HERC4: variants seen among roughly 807,000 people sequenced by gnomAD.
HERC4 encodes the protein probable E3 ubiquitin-protein ligase HERC4.
In HERC4, 28 loss-of-function variants were observed where a neutral mutation model predicts 124.3. The ratio of observed to expected loss-of-function variants is 0.23; its 90% CI spans 0.17 to 0.31. The LOEUF (loss-of-function observed/expected upper bound fraction) is 0.31, where lower values mean the gene tolerates loss of function less well. Among genes scored for constraint, HERC4 ranks in the 10% least tolerant of loss-of-function variants. The probability of loss-of-function intolerance (pLI) is 1.00; values close to 1 mark genes in which losing one functional copy is unlikely to be tolerated. For missense variants in HERC4, 713 were observed against 1,229.3 expected (o/e 0.58, Z 6.28); for synonymous variants, 407 against 421.5 (o/e 0.97, Z 0.42).
intron 15 of HERC4, among the ~76,000 whole-genome samples, chr10:67,969,657 C>T (rs1406136800): frequency 6.6e-6 from 1 of 152,090 alleles, no homozygotes; most frequent in African/African-American, 2.4e-5. Flanking sequence ...AGGGAAAAAC[C>T]TTCAATTCCT....
At chr10:67,961,964 T>C (rs1278200344) in intron 16 of HERC4, among the ~76,000 whole-genome samples, 1 of 152,166 alleles carries the variant, frequency 6.6e-6, no homozygotes, top group East Asian at 1.9e-4. Context: ...AAAAAAACCT[T>C]TCAGATTACA....
chr10:68,024,221 A>G (rs556620094), intron 8 of HERC4, among the ~76,000 whole-genome samples: 1 of 152,294 alleles, frequency 6.6e-6, no homozygotes, highest in African/African-American at 2.4e-5. Flanking sequence ...GTATATTCAA[A>G]TTATGAAATA....
intron 3 of HERC4, among the ~76,000 whole-genome samples, chr10:68,065,406 G>C (rs2041251080): frequency 6.6e-6 from 1 of 152,128 alleles, no homozygotes; most frequent in African/African-American, 2.4e-5. Context: ...CAAATAATTT[G>C]TGAAAAGCCC....
intron 8 of HERC4, among the ~76,000 whole-genome samples, chr10:68,019,250 C>A (rs1387243398): frequency 6.6e-6 from 1 of 152,128 alleles, no homozygotes; most frequent in African/African-American, 2.4e-5. Context: ...CCCGCCTCGG[C>A]CTCCCAAAGT....
intron 15 of HERC4, among the ~76,000 whole-genome samples, chr10:67,972,436 G>A (rs574683465): frequency 9.6e-5 from 14 of 145,874 alleles, no homozygotes; most frequent in African/African-American, 3.0e-4. Context: ...CAGAAGAATC[G>A]CTTGAATCCG....
intron 7 of HERC4, among the ~76,000 whole-genome samples, chr10:68,030,906 T>C (rs1459892159): frequency 6.6e-6 from 1 of 152,238 alleles, no homozygotes; most frequent in Non-Finnish European, 1.5e-5. Flanking sequence ...TTTAAAATCT[T>C]TCCTAATGCA....
chr10:68,055,755 CT>C (rs201966338), intron 3 of HERC4, among the ~76,000 whole-genome samples: 210 of 142,910 alleles, frequency 1.5e-3, no homozygotes, highest in Middle Eastern at 3.6e-3. Flanking sequence ...TTACAATATC[CT>C]TTTTTTTTTT....
Position 68,032,804 on chromosome 10 carries a change from C to T in HERC4, c.751G>A (p.Glu251Lys). 6.3e-7 allele frequency: 1 copy of T among 1,579,054 alleles called. No individual in the cohort carries two copies. Among genetic ancestry groups the T allele is most frequent in the Non-Finnish European group, 8.7e-7 (1 of 1,148,446 alleles). The change falls in exon 7 of 25, where the codon GAA becomes AAA. Residue 251 changes from glutamate to lysine, a missense_variant. Coordinates refer to ENST00000373700, the MANE Select transcript of HERC4 (RefSeq NM_015601.4). ...SQKIVYICCG[E>K]DHTAALTKEG... ...TTGGTTAGAGCAGCAGTATGATCTTCTCCACAACAAATATAAACTATTTTC... is the reference window on the plus strand; with the variant it reads ...TTGGTTAGAGCAGCAGTATGATCTTTTCCACAACAAATATAAACTATTTTC...
At position 68,011,190 on chromosome 10, in the gene HERC4, A is replaced by C. The variant is rs1589316857; in HGVS notation, c.1069+2836T>G. ...GCAATCCTCTTGCCTAAACCTCCCA[A>C]GTAGCATGTGCCACCACACCTGGCT... On this transcript the variant is annotated intron_variant, in intron 9 of 24. Coordinates refer to ENST00000373700, the MANE Select transcript of HERC4 (RefSeq NM_015601.4). Among the ~76,000 whole-genome samples the C allele has an allele frequency of 3.3e-5, 5 of 152,274 alleles. No individual in the cohort carries two copies. The South Asian group carries it at 1.0e-3, about 32-fold the overall frequency.
Position 67,932,715 on chromosome 10 carries a change from G to C in HERC4, c.2720C>G (p.Ala907Gly), listed in dbSNP as rs780549962. ...GACCTTATGAAAGCCCGCATGAAAAGCATCAAATAAGGAAGCCACTGATTT... is the reference window on the plus strand; with the variant it reads ...GACCTTATGAAAGCCCGCATGAAAACCATCAAATAAGGAAGCCACTGATTT... ...FNKSVASLFD[A>G]FHAGFHKVCG... Residue 907 changes from alanine (A) to glycine (G), a missense_variant, in exon 23 of 25, where the codon GCT (alanine) becomes GGT (glycine). Transcript: ENST00000373700. 4.6e-5 allele frequency: 73 copies of C among 1,600,178 alleles called. No homozygotes were observed. The highest frequency in any genetic ancestry group is 5.8e-5 in the Non-Finnish European group (68 of 1,176,984).
At chr10:68,017,477 A>G (rs554342201) in intron 8 of HERC4, among the ~76,000 whole-genome samples, 1 of 151,964 alleles carries the variant, frequency 6.6e-6, no homozygotes, top group Non-Finnish European at 1.5e-5. Flanking sequence ...TTTTATGTAA[A>G]TAAGTTTATT....
At chr10:68,006,321 T>C (rs981106187) in intron 9 of HERC4, among the ~76,000 whole-genome samples, 32 of 152,014 alleles carry the variant, frequency 2.1e-4, no homozygotes, top group African/African-American at 7.7e-4. Flanking sequence ...TAGCATTTCT[T>C]ATAGTACAGG....
chr10:67,971,126 A>AT (rs1481627425), intron 15 of HERC4, among the ~76,000 whole-genome samples: 3 of 152,104 alleles, frequency 2.0e-5, no homozygotes, highest in African/African-American at 7.2e-5. Flanking sequence ...GTCTATATTT[A>AT]TTTTTTAAAT....
chr10:68,053,524 GAA>G (rs1191397271), intron 3 of HERC4, among the ~76,000 whole-genome samples: 1 of 151,922 alleles, frequency 6.6e-6, no homozygotes, highest in Admixed American at 6.6e-5. Context: ...GGCTAGTCTT[GAA>G]CTCCTGGACT....
intron 9 of HERC4, among the ~76,000 whole-genome samples, chr10:68,003,487 T>C (rs2037361372): frequency 6.6e-6 from 1 of 151,984 alleles, no homozygotes; most frequent in Non-Finnish European, 1.5e-5. Flanking sequence ...TTTGTACTTA[T>C]TAACTATCCT....
At chr10:68,068,117 G>A (rs925945447) in intron 3 of HERC4, 5 of 152,136 alleles carry the variant, frequency 3.3e-5, no homozygotes, top group African/African-American at 1.2e-4. Context: ...GGGAAGCCAG[G>A]ACAGGAGGAT....
At chr10:68,051,912 G>A (rs541759390) in intron 3 of HERC4, among the ~76,000 whole-genome samples, 5 of 151,358 alleles carry the variant, frequency 3.3e-5, no homozygotes, top group Admixed American at 6.6e-5. Context: ...CAAGCAACAC[G>A]CCCGCCTCAG....
At chr10:68,039,333 AAG>A (rs371618969) in intron 4 of HERC4, 8 of 1,440,446 alleles carry the variant, frequency 5.6e-6, no homozygotes, top group Non-Finnish European at 5.5e-6. Context: ...AAAAAAAAAA[AAG>A]AAAGAAAGAA....
intron 3 of HERC4, 93 bp from the exon 4 acceptor site, chr10:68,044,656 AAC>A (rs1408122036): frequency 2.1e-5 from 23 of 1,103,154 alleles, no homozygotes; most frequent in Non-Finnish European, 2.9e-5. Flanking sequence ...ATAAGAACAA[AAC>A]ACATTCTTCA....
Sources: allele counts gnomAD v4.1 joint callset (sites outside exome capture counted in the v4.1 genomes callset), GRCh38; gene constraint gnomAD v4.1.1; transcripts MANE v1.5; gene names NCBI Gene and HGNC (gene_info 2026-07-23, HGNC 2026-07-21).